Variants in DTNB observed in about 807,000 individuals in gnomAD.
The protein encoded by DTNB is dystrobrevin beta.
Under a neutral mutation model 90.7 loss-of-function variants are expected in DTNB, and 63 were observed. The observed-to-expected ratio is 0.69, with a 90% CI of 0.57 to 0.86. The LOEUF is 0.86. Among genes scored for constraint, DTNB ranks in the 40% least tolerant of loss-of-function variants. The pLI is 0.00. For synonymous variants in DTNB, 277 were observed against 286.7 expected (o/e 0.97, Z 0.34); for missense variants, 744 against 807.1 (o/e 0.92, Z 0.95).
chr2:25,408,733 A>G (rs2045905572), intron 16 of DTNB, among the ~76,000 whole-genome samples: 1 of 152,102 alleles, frequency 6.6e-6, no homozygotes, highest in African/African-American at 2.4e-5. Context: ...ACTTGTTATA[A>G]CATGCATCTT....
chr2:25,593,105 G>C (rs1176947985), intron 6 of DTNB, among the ~76,000 whole-genome samples: 2 of 152,210 alleles, frequency 1.3e-5, no homozygotes, highest in African/African-American at 4.8e-5. Context: ...ACTGCAGAAA[G>C]TGAAGCAGCT....
chr2:25,504,853 A>C (rs1308017791), intron 9 of DTNB, among the ~76,000 whole-genome samples: 3 of 152,184 alleles, frequency 2.0e-5, no homozygotes, highest in Admixed American at 6.5e-5. Flanking sequence ...GCAAAACTTG[A>C]TGAGCTGACT....
chr2:25,550,698 G>A (rs1182956533), intron 8 of DTNB, among the ~76,000 whole-genome samples: 3 of 151,066 alleles, frequency 2.0e-5, no homozygotes, highest in Non-Finnish European at 4.4e-5. Flanking sequence ...TACTCAGGCT[G>A]GAGTGCAATG....
At chr2:25,570,097 GAAA>G (rs58904320) in intron 8 of DTNB, among the ~76,000 whole-genome samples, 1 of 124,938 alleles carries the variant, frequency 8.0e-6, no homozygotes, top group Non-Finnish European at 1.7e-5. Context: ...ACTGCATCTG[GAAA>G]AAAAAAAAAA....
chr2:25,405,102 A>AT (rs992670030), intron 16 of DTNB, among the ~76,000 whole-genome samples: 1 of 151,982 alleles, frequency 6.6e-6, no homozygotes, highest in African/African-American at 2.4e-5. Flanking sequence ...TAATTACTGT[A>AT]TTTTTTGTAG....
chr2:25,573,967 G>GA (rs1256191269), intron 8 of DTNB, among the ~76,000 whole-genome samples: 2 of 152,100 alleles, frequency 1.3e-5, no homozygotes, highest in Non-Finnish European at 2.9e-5. Flanking sequence ...ACCCTCCGCG[G>GA]AGTCCTAATG....
chr2:25,493,615 T>A (rs373679138), intron 9 of DTNB, among the ~76,000 whole-genome samples: 93 of 152,274 alleles, frequency 6.1e-4, no homozygotes, highest in Non-Finnish European at 6.2e-4. Flanking sequence ...ATTTCTCACT[T>A]CTCTTATCAG....
intron 10 of DTNB, among the ~76,000 whole-genome samples, chr2:25,459,350 C>T (rs549619833): frequency 5.3e-5 from 8 of 151,778 alleles, no homozygotes; most frequent in Admixed American, 2.0e-4. Flanking sequence ...TTAGTATTAC[C>T]GTGTCTTTAA....
chr2:25,485,158 C>T (rs1558720215), intron 9 of DTNB, among the ~76,000 whole-genome samples: 5 of 151,822 alleles, frequency 3.3e-5, no homozygotes, highest in African/African-American at 1.2e-4. Context: ...CAGTTACCTG[C>T]TATATATATA....
intron 13 of DTNB, 96 bp downstream of exon 13, chr2:25,433,814 C>T (rs754345891): frequency 7.4e-5 from 104 of 1,400,102 alleles, no homozygotes; most frequent in East Asian, 9.3e-5. Context: ...TCTTCCTTGG[C>T]GGTCAAAAGC....
chr2:25,439,595 G>T (rs180900869), intron 12 of DTNB, among the ~76,000 whole-genome samples: 244 of 152,216 alleles, frequency 1.6e-3, no homozygotes, highest in African/African-American at 5.6e-3. Flanking sequence ...TTAAAATAAG[G>T]TTTAAAAAAT....
At chr2:25,672,096 G>A (rs12622117) in intron 1 of DTNB, among the ~76,000 whole-genome samples, 24,425 of 148,738 alleles carry the variant, frequency 0.16, 2,550 homozygotes, top group East Asian at 0.58. Flanking sequence ...AGGCCAACAT[G>A]AAAGACACAT....
chr2:25,435,420 G>A (rs149735822), intron 12 of DTNB, among the ~76,000 whole-genome samples: 158 of 152,118 alleles, frequency 1.0e-3, no homozygotes, highest in African/African-American at 3.6e-3. Context: ...CCCTTCCCTC[G>A]CCCTTGACCT....
intron 10 of DTNB, among the ~76,000 whole-genome samples, chr2:25,470,922 C>T (rs929720680): frequency 6.6e-6 from 1 of 152,068 alleles, no homozygotes; most frequent in African/African-American, 2.4e-5. Context: ...AAGGCACTAG[C>T]GTGGAAGAGA....
At chr2:25,432,389 C>T (rs1012567658) in intron 14 of DTNB, among the ~76,000 whole-genome samples, 3 of 152,172 alleles carry the variant, frequency 2.0e-5, no homozygotes, top group African/African-American at 7.2e-5. Flanking sequence ...CCTTAGTTTC[C>T]TGATTCTTGA....
At chr2:25,394,491 C>CA (rs1280488052) in intron 16 of DTNB, among the ~76,000 whole-genome samples, 2 of 152,158 alleles carry the variant, frequency 1.3e-5, no homozygotes, top group Admixed American at 1.3e-4. Flanking sequence ...ACAAACTATA[C>CA]ATCTGACACA....
intron 6 of DTNB, among the ~76,000 whole-genome samples, chr2:25,592,995 G>T (rs1450609050): frequency 1.3e-5 from 2 of 152,132 alleles, no homozygotes; most frequent in African/African-American, 4.8e-5. Context: ...CTAGATATCG[G>T]ATCCAGGGGA....
At chr2:25,396,390 A>T (rs1490905774) in intron 16 of DTNB, among the ~76,000 whole-genome samples, 1 of 152,114 alleles carries the variant, frequency 6.6e-6, no homozygotes, top group South Asian at 2.1e-4. Context: ...TCATGTCTGT[A>T]ATACCAGCTA....
intron 5 of DTNB, among the ~76,000 whole-genome samples, chr2:25,597,022 T>C (rs1398920644): frequency 6.6e-6 from 1 of 152,162 alleles, no homozygotes; most frequent in East Asian, 1.9e-4. Context: ...AAATGTGACG[T>C]AGGCAGTTTT....
Sources: allele counts gnomAD v4.1 joint callset (sites outside exome capture counted in the v4.1 genomes callset), GRCh38; gene constraint gnomAD v4.1.1; transcripts MANE v1.5; gene names NCBI Gene and HGNC (gene_info 2026-07-23, HGNC 2026-07-21).